The following CTNND2 variants were observed in gnomAD, a reference collection of about 807,000 sequenced individuals.
The protein encoded by CTNND2 is catenin delta 2, also known as catenin delta-2.
In CTNND2, 22 loss-of-function variants were observed where a neutral mutation model predicts 144.4. That is an observed-to-expected ratio of 0.15 (90% CI 0.11 to 0.22). The LOEUF (loss-of-function observed/expected upper bound fraction) is 0.22, where lower values mean the gene tolerates loss of function less well. CTNND2 is among the 10% of genes least tolerant of loss of function. The pLI is 1.00. For missense variants in CTNND2, 1,353 were observed against 1,618.8 expected (o/e 0.84, Z 2.82); for synonymous variants, 751 against 695.6 (o/e 1.08, Z -1.25).
intron 1 of CTNND2, among the ~76,000 whole-genome samples, chr5:11,883,678 T>C (rs1289015193): frequency 6.6e-6 from 1 of 152,190 alleles, no homozygotes; most frequent in East Asian, 1.9e-4. Flanking sequence ...TGATTTACAA[T>C]CCTTCGGTTA....
At chr5:11,842,635 C>G (rs1398927813) in intron 1 of CTNND2, among the ~76,000 whole-genome samples, 1 of 151,128 alleles carries the variant, frequency 6.6e-6, no homozygotes, top group Non-Finnish European at 1.5e-5. Context: ...AGGAGAACCG[C>G]GTGAACCTGG....
chr5:11,736,648 A>G (rs1787698740), intron 1 of CTNND2, among the ~76,000 whole-genome samples: 1 of 152,180 alleles, frequency 6.6e-6, no homozygotes, highest in Non-Finnish European at 1.5e-5. Context: ...CTAACTTCGC[A>G]GTAATATGGC....
intron 1 of CTNND2, among the ~76,000 whole-genome samples, chr5:11,874,787 G>A (rs1735428195): frequency 6.6e-6 from 1 of 152,152 alleles, no homozygotes; most frequent in Admixed American, 6.5e-5. Context: ...TGAAAATTGA[G>A]GATAAGAGGG....
chr5:11,755,010 G>C (rs1462220892), intron 1 of CTNND2, among the ~76,000 whole-genome samples: 2 of 151,694 alleles, frequency 1.3e-5, no homozygotes, highest in African/African-American at 4.8e-5. Flanking sequence ...ATGTAGACTT[G>C]ATTGTGTGGT....
At chr5:11,199,760 C>A in intron 10 of CTNND2, 99 bp from the exon 11 acceptor site, 1 of 857,388 alleles carries the variant, frequency 1.2e-6, no homozygotes, top group Non-Finnish European at 1.9e-6. Flanking sequence ...AACAATTAAT[C>A]GCACCAAACT....
At chr5:11,022,688 ACTACCCGTCAT>A in intron 17 of CTNND2, 70 bp downstream of exon 17, 2 of 1,010,040 alleles carry the variant, frequency 2.0e-6, no homozygotes, top group Non-Finnish European at 3.1e-6. Flanking sequence ...CAGTCATAGT[ACTACCCGTCAT>A]CAGGAGTTGA....
At chr5:11,627,442 C>A (rs926308003) in intron 2 of CTNND2, among the ~76,000 whole-genome samples, 1 of 152,008 alleles carries the variant, frequency 6.6e-6, no homozygotes, top group Admixed American at 6.6e-5. Context: ...ATCTACTGGA[C>A]CATGATTCTA....
intron 9 of CTNND2, among the ~76,000 whole-genome samples, chr5:11,254,872 C>A (rs567857089): frequency 2.6e-5 from 4 of 152,118 alleles, no homozygotes; most frequent in Non-Finnish European, 5.9e-5. Context: ...ATATTATGCA[C>A]ATTTTGATAG....
At chr5:11,723,522 A>G (rs1786809869) in intron 2 of CTNND2, among the ~76,000 whole-genome samples, 1 of 152,246 alleles carries the variant, frequency 6.6e-6, no homozygotes, top group Admixed American at 6.5e-5. Context: ...ACTGGAAATG[A>G]GACCCCTGCA....
At chr5:11,076,774 T>G (rs568778025) in intron 16 of CTNND2, among the ~76,000 whole-genome samples, 1 of 152,362 alleles carries the variant, frequency 6.6e-6, no homozygotes, top group South Asian at 2.1e-4. Flanking sequence ...ATAGCCTATT[T>G]AGAGTTTCCC....
At chr5:11,569,298 T>G (rs1260404423) in intron 2 of CTNND2, among the ~76,000 whole-genome samples, 1 of 152,148 alleles carries the variant, frequency 6.6e-6, no homozygotes, top group Admixed American at 6.5e-5. Context: ...GAAATCAACT[T>G]ATGTAAGAGA....
At chr5:11,629,640 G>C (rs1165829437) in intron 2 of CTNND2, among the ~76,000 whole-genome samples, 2 of 152,070 alleles carry the variant, frequency 1.3e-5, no homozygotes, top group Non-Finnish European at 2.9e-5. Context: ...GGCACATGTT[G>C]TTTATATCTG....
At chr5:11,129,816 TA>T (rs1755381210) in intron 12 of CTNND2, among the ~76,000 whole-genome samples, 1 of 152,102 alleles carries the variant, frequency 6.6e-6, no homozygotes. Context: ...TGAATTCCCA[TA>T]ACATTATGTG....
intron 10 of CTNND2, among the ~76,000 whole-genome samples, chr5:11,218,152 T>C (rs188703154): frequency 3.9e-4 from 59 of 152,146 alleles, no homozygotes; most frequent in African/African-American, 1.3e-3. Context: ...GAATATAAGA[T>C]AGGATTTCTT....
chr5:11,001,250 C>A (rs1432768646), intron 18 of CTNND2, among the ~76,000 whole-genome samples: 1 of 152,170 alleles, frequency 6.6e-6, no homozygotes, highest in Non-Finnish European at 1.5e-5. Flanking sequence ...ATTAGGCAAA[C>A]AGGAGGCAGG....
intron 7 of CTNND2, among the ~76,000 whole-genome samples, chr5:11,367,008 CTGA>C (rs1319626573): frequency 6.6e-6 from 1 of 152,126 alleles, no homozygotes; most frequent in African/African-American, 2.4e-5. Flanking sequence ...TTTTGATGTG[CTGA>C]TATTATTACG....
At chr5:11,794,149 T>A (rs1392193646) in intron 1 of CTNND2, among the ~76,000 whole-genome samples, 6 of 152,230 alleles carry the variant, frequency 3.9e-5, no homozygotes. Context: ...GTATTCTTCA[T>A]TCACAGACAA....
intron 9 of CTNND2, among the ~76,000 whole-genome samples, chr5:11,259,474 C>T (rs1744634858): frequency 6.6e-6 from 1 of 152,204 alleles, no homozygotes; most frequent in African/African-American, 2.4e-5. Context: ...GGGACCATTA[C>T]ATGATGCAGC....
chr5:11,231,793 A>G (rs1238404841), intron 10 of CTNND2, among the ~76,000 whole-genome samples: 1 of 152,218 alleles, frequency 6.6e-6, no homozygotes, highest in Non-Finnish European at 1.5e-5. Flanking sequence ...CAATGGGAAA[A>G]ATGTCTCCAG....
Sources: allele counts gnomAD v4.1 joint callset (sites outside exome capture counted in the v4.1 genomes callset), GRCh38; gene constraint gnomAD v4.1.1; transcripts MANE v1.5; gene names NCBI Gene and HGNC (gene_info 2026-07-23, HGNC 2026-07-21).